The following MAGI3 variants were observed in gnomAD, a reference collection of about 807,000 sequenced individuals.
MAGI3 encodes membrane associated guanylate kinase, WW and PDZ domain containing 3, also known as membrane-associated guanylate kinase, WW and PDZ domain-containing protein 3.
A neutral mutation model predicts 121.8 loss-of-function variants in MAGI3; 43 were observed. That is an observed-to-expected ratio of 0.35 (90% CI 0.28 to 0.46). The LOEUF is 0.46. Among genes scored for constraint, MAGI3 ranks in the 20% least tolerant of loss-of-function variants. The pLI is 1.00. For synonymous variants in MAGI3, 553 were observed against 639.3 expected, an observed-to-expected ratio of 0.86 and a Z score of 2.04; for missense variants, 1,547 against 1,797.3, an observed-to-expected ratio of 0.86 and a Z score of 2.52.
chr1:113,609,617 G>A (rs1649998777), intron 6 of MAGI3, among the ~76,000 whole-genome samples: 1 of 152,174 alleles, frequency 6.6e-6, no homozygotes, highest in African/African-American at 2.4e-5. Context: ...TATATTGAAT[G>A]TTGATATTTC....
At chr1:113,427,099 C>T (rs1653050838) in intron 1 of MAGI3, among the ~76,000 whole-genome samples, 1 of 152,096 alleles carries the variant, frequency 6.6e-6, no homozygotes. Context: ...GCTGTGATTT[C>T]AATGATGTTT....
In MAGI3 at chr1:113,450,530, T is replaced by C. The variant is rs1173930570; in HGVS notation, c.316+59181T>C. ...TGGAGGTGGTGGAGGATATGATGGT[T>C]ACAATGAAGGAGGAAATTTTGGCGG... is the stretch of plus-strand genomic sequence containing the variant. On this transcript the variant is annotated intron_variant, in intron 1 of 20. Coordinates refer to ENST00000307546, the MANE Select transcript of MAGI3 (RefSeq NM_001142782.2). The C allele has an allele frequency of 5.9e-6, 6 of 1,020,708 alleles. No individual in the cohort carries two copies. In the East Asian group the frequency reaches 1.4e-4, roughly 24 times the overall value. The allele number at this position is 1,020,708 out of a possible 1,614,324, so 63.2% of individuals were successfully genotyped here.
chr1:113,601,189 G>A (rs1248182170), intron 6 of MAGI3, among the ~76,000 whole-genome samples: 3 of 151,436 alleles, frequency 2.0e-5, no homozygotes, highest in South Asian at 2.1e-4. Flanking sequence ...AACACCAAAA[G>A]CAATGAGCAA....
intron 1 of MAGI3, among the ~76,000 whole-genome samples, chr1:113,397,913 C>T (rs1304299762): frequency 6.6e-6 from 1 of 152,068 alleles, no homozygotes; most frequent in Admixed American, 6.6e-5. Flanking sequence ...ATTTGCTAGC[C>T]TAGGAAAAAG....
At position 113,684,059 on chromosome 1, in the gene MAGI3, C is replaced by A; in HGVS notation, c.*45C>A. On this transcript the variant is annotated 3_prime_UTR_variant, in exon 21 of 21. Transcript: ENST00000307546. ...AAAAACAAGTTGTAATCTTTTCTTA[C>A]AGCAGCATTTTTCCAGAAAAAGCCT... 1.4e-6 allele frequency: 2 copies of A among 1,438,726 alleles called. No individual in the cohort carries two copies. The highest frequency in any genetic ancestry group is 1.6e-5 in the South Asian group (1 of 63,190). The allele number at this position is 1,438,726 out of a possible 1,614,324, so 89.1% of individuals were successfully genotyped here. A position where few individuals can be genotyped will look rare whatever the true frequency, so the allele number is the denominator to read the frequency against.
At chr1:113,631,135 C>T (rs1260290851) in intron 9 of MAGI3, among the ~76,000 whole-genome samples, 4 of 152,182 alleles carry the variant, frequency 2.6e-5, no homozygotes, top group East Asian at 1.9e-4. Flanking sequence ...TCCTGACAAT[C>T]GCTGTGCTCA....
chr1:113,544,721 G>A (rs1191946711), intron 1 of MAGI3, among the ~76,000 whole-genome samples: 2 of 152,228 alleles, frequency 1.3e-5, no homozygotes, highest in Admixed American at 1.3e-4. Flanking sequence ...TTTTAAGGTT[G>A]TGTTTGGAGC....
chr1:113,588,747 C>T (rs1283579779), intron 4 of MAGI3, among the ~76,000 whole-genome samples: 1 of 151,994 alleles, frequency 6.6e-6, no homozygotes, highest in Admixed American at 6.6e-5. Flanking sequence ...TATTGATGAC[C>T]TTGATAAGAA....
intron 1 of MAGI3, among the ~76,000 whole-genome samples, chr1:113,419,300 T>A (rs1466845209): frequency 2.6e-5 from 4 of 152,174 alleles, no homozygotes; most frequent in African/African-American, 9.7e-5. Flanking sequence ...TCTTAAATCC[T>A]TATAGATGGG....
intron 1 of MAGI3, among the ~76,000 whole-genome samples, chr1:113,503,406 C>T (rs980832897): frequency 6.9e-6 from 1 of 144,694 alleles, no homozygotes; most frequent in Non-Finnish European, 1.5e-5. Flanking sequence ...AAATATTTTT[C>T]AATCTTCAGC....
At chr1:113,400,462 T>C (rs1229900972) in intron 1 of MAGI3, among the ~76,000 whole-genome samples, 3 of 152,122 alleles carry the variant, frequency 2.0e-5, no homozygotes, top group Non-Finnish European at 2.9e-5. Flanking sequence ...TTCATGGAAT[T>C]GGGTGTGATT....
intron 1 of MAGI3, among the ~76,000 whole-genome samples, chr1:113,460,474 G>C (rs191188540): frequency 1.4e-3 from 211 of 152,276 alleles, no homozygotes; most frequent in African/African-American, 4.8e-3. Flanking sequence ...AAGAGAGGAA[G>C]TCTTCTCTGT....
chr1:113,489,177 C>CT (rs1289287565), intron 1 of MAGI3, among the ~76,000 whole-genome samples: 1 of 151,162 alleles, frequency 6.6e-6, no homozygotes, highest in South Asian at 2.1e-4. Flanking sequence ...AGGCCCCCCC[C>CT]GACCCCAGCA....
At chr1:113,601,614 A>G (rs528224757) in intron 6 of MAGI3, among the ~76,000 whole-genome samples, 85 of 148,970 alleles carry the variant, frequency 5.7e-4, no homozygotes, top group Non-Finnish European at 1.1e-3. Context: ...CCACTGTTAC[A>G]CCGTTGGTGG....
At chr1:113,524,831 C>A (rs1187404406) in intron 1 of MAGI3, among the ~76,000 whole-genome samples, 1 of 152,092 alleles carries the variant, frequency 6.6e-6, no homozygotes, top group African/African-American at 2.4e-5. Flanking sequence ...GGACCCTGGG[C>A]AGAATGATAT....
At chr1:113,403,670 T>G (rs1651525385) in intron 1 of MAGI3, 1 of 152,172 alleles carries the variant, frequency 6.6e-6, no homozygotes, top group African/African-American at 2.4e-5. Flanking sequence ...AGCTGGAGAC[T>G]GGATACTGAC....
At chr1:113,599,839 T>G (rs988987460) in intron 6 of MAGI3, among the ~76,000 whole-genome samples, 5 of 151,702 alleles carry the variant, frequency 3.3e-5, no homozygotes, top group East Asian at 1.9e-4. Flanking sequence ...ACTGGCAAAC[T>G]GAATCCAGCA....
chr1:113,406,475 C>A (rs527568073), intron 1 of MAGI3, among the ~76,000 whole-genome samples: 99 of 146,224 alleles, frequency 6.8e-4, no homozygotes, highest in African/African-American at 2.4e-3. Context: ...GAAAAAAAAA[C>A]TGGTTCAAAT....
intron 6 of MAGI3, among the ~76,000 whole-genome samples, chr1:113,612,244 AC>A (rs1225651064): frequency 1.3e-5 from 2 of 152,158 alleles, no homozygotes; most frequent in African/African-American, 2.4e-5. Context: ...ATCTTTAAAG[AC>A]TGCTTAAACA....
Sources: gnomAD v4.1 joint callset for allele counts (sites outside exome capture counted in the v4.1 genomes callset) on GRCh38, gnomAD v4.1.1 for gene constraint, MANE v1.5 for transcripts, NCBI Gene and HGNC (gene_info 2026-07-23, HGNC 2026-07-21) for gene names.